PREX2: variants seen among roughly 807,000 people sequenced by gnomAD.
PREX2 encodes phosphatidylinositol-3,4,5-trisphosphate dependent Rac exchange factor 2.
A neutral mutation model predicts 203.2 loss-of-function variants in PREX2; 107 were observed. That is an observed-to-expected ratio of 0.53 (90% CI 0.45 to 0.62). PREX2 has a LOEUF of 0.62. Ranked by LOEUF, PREX2 falls within the 20% of genes least tolerant of loss-of-function variation. PREX2 has a pLI of 0.00. For missense variants in PREX2, 1,777 were observed against 1,955.9 expected, an observed-to-expected ratio of 0.91 and a Z score of 1.72; for synonymous variants, 672 against 663.6, an observed-to-expected ratio of 1.01 and a Z score of -0.19.
chr8:68,220,443 T>A (rs1812932064), intron 38 of PREX2: 1 of 152,170 alleles, frequency 6.6e-6, no homozygotes, highest in Non-Finnish European at 1.5e-5. Flanking sequence ...GAAAGAAATG[T>A]CTTCTCAACC....
At chr8:67,977,702 G>C (rs549919302) in intron 1 of PREX2, among the ~76,000 whole-genome samples, 2 of 152,200 alleles carry the variant, frequency 1.3e-5, no homozygotes, top group South Asian at 4.2e-4. Flanking sequence ...AGAAATTGAA[G>C]GTTAAGCTAA....
chr8:68,228,491 A>G (rs952218835), intron 39 of PREX2, among the ~76,000 whole-genome samples: 3 of 152,066 alleles, frequency 2.0e-5, no homozygotes, highest in Non-Finnish European at 2.9e-5. Context: ...GGCCGGGTGC[A>G]TAGGCTCACG....
chr8:68,036,671 T>G (rs1019534104), intron 6 of PREX2, among the ~76,000 whole-genome samples: 3 of 152,012 alleles, frequency 2.0e-5, no homozygotes, highest in African/African-American at 7.3e-5. Context: ...AACAGCCAGG[T>G]GTGGTGGCTT....
intron 1 of PREX2, among the ~76,000 whole-genome samples, chr8:67,988,168 G>A (rs1479364256): frequency 6.6e-6 from 1 of 152,144 alleles, no homozygotes; most frequent in African/African-American, 2.4e-5. Context: ...AGAGCCCACA[G>A]TTACCTTACT....
At chr8:67,971,453 T>C (rs1805926950) in intron 1 of PREX2, among the ~76,000 whole-genome samples, 1 of 152,286 alleles carries the variant, frequency 6.6e-6, no homozygotes, top group East Asian at 1.9e-4. Context: ...GTGATTCTAA[T>C]GTGGGAGTAG....
chr8:67,991,555 C>T (rs1034315585), intron 1 of PREX2, among the ~76,000 whole-genome samples: 3 of 152,046 alleles, frequency 2.0e-5, no homozygotes, highest in Non-Finnish European at 4.4e-5. Context: ...GGAAGAGCCG[C>T]GTATAAAATC....
chr8:68,068,935 T>C, intron 11 of PREX2, 98 bp from the exon 12 acceptor site: 1 of 480,074 alleles, frequency 2.1e-6, no homozygotes. Context: ...AACTAAAAGT[T>C]TTAGTATTTG....
intron 1 of PREX2, among the ~76,000 whole-genome samples, chr8:67,955,147 CAAAAAAAAA>C (rs1183491822): frequency 1.9e-5 from 1 of 51,908 alleles, no homozygotes; most frequent in African/African-American, 9.5e-5. Flanking sequence ...GACTCCATCT[CAAAAAAAAA>C]AAAAAAAAAA....
chr8:68,225,041 G>A (rs886491551), intron 39 of PREX2, among the ~76,000 whole-genome samples: 18 of 151,936 alleles, frequency 1.2e-4, no homozygotes, highest in Admixed American at 3.3e-4. Flanking sequence ...TTTCTCCTTG[G>A]AGTCTTGCTT....
intron 1 of PREX2, among the ~76,000 whole-genome samples, chr8:67,997,900 A>G (rs1328589355): frequency 6.6e-6 from 1 of 152,158 alleles, no homozygotes; most frequent in Non-Finnish European, 1.5e-5. Flanking sequence ...GTAGCTCTCC[A>G]TTTAGATGCT....
intron 32 of PREX2, among the ~76,000 whole-genome samples, chr8:68,135,509 A>G (rs1479594767): frequency 6.6e-6 from 1 of 152,190 alleles, no homozygotes; most frequent in African/African-American, 2.4e-5. Flanking sequence ...GAGAAATGCA[A>G]CTCAAAACCA....
At chr8:68,166,196 A>G (rs1811759264) in intron 35 of PREX2, among the ~76,000 whole-genome samples, 1 of 152,214 alleles carries the variant, frequency 6.6e-6, no homozygotes, top group African/African-American at 2.4e-5. Flanking sequence ...CAAATAAAGT[A>G]TAGACCTTTG....
In PREX2 at chr8:67,997,946, A is replaced by G. The variant is rs551299905; in HGVS notation, c.142-19900A>G. Among the ~76,000 whole-genome samples the G allele has an allele frequency of 3.9e-5, 6 of 152,204 alleles. No individual in the cohort carries two copies. In the South Asian group the frequency reaches 1.2e-3, roughly 32 times the overall value. ...ATAATATTATTATTTTAAGATTTTT[A>G]TCGTGGTATTTTTAAAAAGTTTTAC... On this transcript the variant is annotated intron_variant, in intron 1 of 39. Coordinates refer to ENST00000288368, the MANE Select transcript of PREX2 (RefSeq NM_024870.4).
Position 68,234,392 on chromosome 8 carries a change from A to G in PREX2, c.*3014A>G, listed in dbSNP as rs1049176100. The G allele has an allele frequency of 2.6e-5, 4 of 152,208 alleles. No homozygotes were observed. The highest frequency in any genetic ancestry group is 9.6e-5 in the African/African-American group (4 of 41,456). The allele number at this position is 152,208 out of a possible 1,614,324, so 9.4% of individuals were successfully genotyped here. On this transcript the variant is annotated 3_prime_UTR_variant, in exon 40 of 40. Coordinates refer to ENST00000288368, the MANE Select transcript of PREX2 (RefSeq NM_024870.4). The stretch of plus-strand genomic sequence containing the variant: ...CCCAACCTAAAAGGGAAGGTCATGC[A>G]TAGAAAGTTTGGATTTTAACTTAGA...
At chr8:68,011,757 C>G (rs978603695) in intron 1 of PREX2, among the ~76,000 whole-genome samples, 1 of 151,952 alleles carries the variant, frequency 6.6e-6, no homozygotes, top group Non-Finnish European at 1.5e-5. Flanking sequence ...TTGCCTTAGG[C>G]CAATGGAAGC....
chr8:68,007,433 T>C (rs1460858082), intron 1 of PREX2, among the ~76,000 whole-genome samples: 1 of 152,248 alleles, frequency 6.6e-6, no homozygotes, highest in Non-Finnish European at 1.5e-5. Flanking sequence ...TTATTGTCAT[T>C]GATATAGCTT....
chr8:68,021,976 T>C, intron 3 of PREX2, 60 bp from the exon 4 acceptor site: 2 of 819,842 alleles, frequency 2.4e-6, no homozygotes, highest in South Asian at 2.8e-5. Context: ...GCATATCACA[T>C]AGGTTAAAAT....
chr8:68,158,432 A>C (rs964278493), intron 35 of PREX2, among the ~76,000 whole-genome samples: 1 of 152,114 alleles, frequency 6.6e-6, no homozygotes, highest in Non-Finnish European at 1.5e-5. Flanking sequence ...ATAGATTCAA[A>C]TTGCTCTGAA....
chr8:68,227,193 C>T (rs1287830431), intron 39 of PREX2, among the ~76,000 whole-genome samples: 1 of 152,092 alleles, frequency 6.6e-6, no homozygotes, highest in South Asian at 2.1e-4. Flanking sequence ...AAGACTGAAG[C>T]AGGAGCTTAA....
Sources: gnomAD v4.1 joint callset for allele counts (sites outside exome capture counted in the v4.1 genomes callset) on GRCh38, gnomAD v4.1.1 for gene constraint, MANE v1.5 for transcripts, NCBI Gene and HGNC (gene_info 2026-07-23, HGNC 2026-07-21) for gene names.